ZNF205: variants seen among roughly 807,000 people sequenced by gnomAD.
ZNF205 encodes zinc finger protein 205, also known as transcriptional repressor RHIT.
In ZNF205, 32 loss-of-function variants were observed where a neutral mutation model predicts 53.6. The ratio of observed to expected loss-of-function variants is 0.60; its 90% CI spans 0.45 to 0.80. The LOEUF (loss-of-function observed/expected upper bound fraction) is 0.80, where lower values mean the gene tolerates loss of function less well. ZNF205 is among the 30% of genes least tolerant of loss of function. The pLI is 0.00. For synonymous variants in ZNF205, 382 were observed against 334.3 expected, an observed-to-expected ratio of 1.14 and a Z score of -1.56; for missense variants, 836 against 782.4, an observed-to-expected ratio of 1.07 and a Z score of -0.82.
intron 5 of ZNF205, 144 bp downstream of exon 5, chr16:3,116,691 G>T: frequency 7.8e-7 from 1 of 1,275,200 alleles, no homozygotes; most frequent in Non-Finnish European, 1.1e-6. Flanking sequence ...CTTCTGTAAT[G>T]ATGGAAATGT....
intron 5 of ZNF205, among the ~76,000 whole-genome samples, chr16:3,117,854 T>A (rs1957364538): frequency 6.8e-6 from 1 of 146,394 alleles, no homozygotes; most frequent in Admixed American, 6.8e-5. Flanking sequence ...ACGCTTAGCT[T>A]TTTTTTTTTT....
At position 3,115,864 on chromosome 16, in the gene ZNF205, G is replaced by T; in HGVS notation, c.307G>T (p.Glu103Ter). ...PSPRIPVLSR[E>*]GRTRDRQMAA... is the part of the protein sequence containing the mutation. Reference sequence around the variant, plus strand: ...CCCCCGGATCCCCGTGCTTTCCCGAGAGGGGAGGACCAGAGACCGGCAGAT... The same window carrying T: ...CCCCCGGATCCCCGTGCTTTCCCGATAGGGGAGGACCAGAGACCGGCAGAT... The change falls in exon 4 of 7, where the codon GAG becomes TAG. Residue 103 changes from glutamate to a stop codon, truncating the protein, a stop_gained. Coordinates refer to ENST00000219091, the MANE Select transcript of ZNF205 (RefSeq NM_001042428.2). LOFTEE classifies it high-confidence loss of function. 1 of 1,614,070 alleles carries T rather than the reference G, an allele frequency of 6.2e-7. No homozygotes were observed. The highest frequency in any genetic ancestry group is 8.5e-7 in the Non-Finnish European group (1 of 1,179,994).
Position 3,115,365 on chromosome 16 carries a change from G to A in ZNF205, c.68G>A (p.Arg23His), listed in dbSNP as rs750825568. 2.9e-5 allele frequency: 46 copies of A among 1,598,068 alleles called. No homozygotes were observed. The highest frequency in any genetic ancestry group is 1.1e-4 in the African/African-American group (8 of 74,044). Residue 23 changes from arginine to histidine, a missense_variant, in exon 3 of 7, where the codon CGT (arginine) becomes CAT (histidine). Coordinates refer to ENST00000219091, the MANE Select transcript of ZNF205 (RefSeq NM_001042428.2). Reference sequence around the variant, plus strand: ...GGCTGTCCTTTCTAGGTTCCAGATCGTGGACATCCTCATCAGGAAATGCCT... The same window carrying A: ...GGCTGTCCTTTCTAGGTTCCAGATCATGGACATCCTCATCAGGAAATGCCT... ...DKETPPEVPD[R>H]GHPHQEMPSK...
At position 3,119,685 on chromosome 16, in the gene ZNF205, G is replaced by A. The variant is rs1243219976; in HGVS notation, c.1025G>A (p.Gly342Glu). The change falls in exon 7 of 7, where the codon GGG (glycine) becomes GAG (glutamate). Residue 342 changes from glycine (G) to glutamate (E), a missense_variant. Gly to Glu is a moderately conservative substitution (Grantham distance 98). Transcript: ENST00000219091. ...GEKPYACTDCGKRFGRSSHLI... is the reference protein window; with the variant it reads ...GEKPYACTDCEKRFGRSSHLI... Reference sequence around the variant, plus strand: ...AAGCCCTACGCCTGCACTGACTGCGGGAAGCGCTTCGGCCGCAGCTCGCAC... The same window carrying A: ...AAGCCCTACGCCTGCACTGACTGCGAGAAGCGCTTCGGCCGCAGCTCGCAC... 6 of 1,613,198 alleles carry A rather than the reference G, an allele frequency of 3.7e-6. No homozygotes were observed. The highest frequency in any genetic ancestry group is 3.3e-5 in the Admixed American group (2 of 59,982).
At chr16:3,115,172 G>A (rs896585649) in intron 2 of ZNF205, 183 bp from the exon 3 acceptor site, 15 of 439,700 alleles carry the variant, frequency 3.4e-5, no homozygotes, top group African/African-American at 6.1e-5. Flanking sequence ...CTGTGGAGGC[G>A]GCTTGGTGAA....
rs745529938 is a variant in ZNF205 at position 3,119,570 on chromosome 16, G to A, written c.910G>A (p.Gly304Ser). 5.6e-6 allele frequency: 9 copies of A among 1,608,462 alleles called. 1 individual carries two copies. Among genetic ancestry groups the A allele is most frequent in the Middle Eastern group, 3.3e-4 (2 of 6,052 alleles). ...GGGCCTGGCCCCTGACAGTGAGGTG[G>A]GCAGGAAGAGCTACCGGTGCGAGCA... ...EEGLAPDSEV[G>S]RKSYRCEQCG... Residue 304 changes from glycine (G) to serine (S), a missense_variant, in exon 7 of 7, where the codon GGC (glycine) becomes AGC (serine). Physicochemically the swap from Gly to Ser is moderately conservative, Grantham distance 56. Coordinates refer to ENST00000219091, the MANE Select transcript of ZNF205 (RefSeq NM_001042428.2).
chr16:3,120,099 A>C lies in ZNF205; in HGVS notation c.1439A>C (p.Asp480Ala). ...GGCGAGAAGCCCTACCACTGCCTCG[A>C]CTGCGGCAAGAGCTTCAGCCACAGC... ...HTGEKPYHCLDCGKSFSHSSH... is the reference protein window; with the variant it reads ...HTGEKPYHCLACGKSFSHSSH... The change falls in exon 7 of 7, where the codon GAC becomes GCC. Residue 480 changes from aspartate (D) to alanine (A), a missense_variant. Coordinates refer to ENST00000219091, the MANE Select transcript of ZNF205 (RefSeq NM_001042428.2). The C allele has an allele frequency of 1.2e-6, 2 of 1,613,314 alleles. No individual in the cohort carries two copies. The highest frequency in any genetic ancestry group is 1.7e-6 in the Non-Finnish European group (2 of 1,179,772).
chr16:3,115,444 T>G lies in ZNF205; in HGVS notation c.147T>G (p.Ile49Met). 1 of 1,612,068 alleles carries G rather than the reference T, an allele frequency of 6.2e-7. No homozygotes were observed. Among genetic ancestry groups the G allele is most frequent in the South Asian group, 1.1e-5 (1 of 90,790 alleles). Residue 49 changes from isoleucine to methionine, a missense_variant, in exon 3 of 7, where the codon ATT becomes ATG. Transcript: ENST00000219091. The part of the protein sequence containing the change: ...PSGDTQESLH[I>M]KMEPEEPHSE... Reference sequence around the variant, plus strand: ...GGGACACTCAGGAGTCACTGCACATTAAGATGGAGCCCGAAGAGCCACACT... The same window carrying G: ...GGGACACTCAGGAGTCACTGCACATGAAGATGGAGCCCGAAGAGCCACACT...
intron 5 of ZNF205, among the ~76,000 whole-genome samples, chr16:3,118,124 A>G (rs550499817): frequency 1.1e-4 from 16 of 148,820 alleles, no homozygotes; most frequent in Non-Finnish European, 2.1e-4. Context: ...GGCCTCCCAA[A>G]GTGCTGGAGG....
rs1162857910 is a variant in ZNF205, at chr16:3,120,303, C to A, written c.1643C>A (p.Thr548Lys). The stretch of plus-strand genomic sequence containing the variant: ...GCGGCGGCGGCGGGGGCTCTGGCCA[C>A]ACCCCCACCCGCTCCCACCTAGGAG... ...LGAAAAGALA[T>K]PPPAPT The change falls in exon 7 of 7, where the codon ACA becomes AAA. Residue 548 changes from threonine to lysine, a missense_variant. Transcript: ENST00000219091. 6.4e-7 allele frequency: 1 copy of A among 1,570,286 alleles called. No homozygotes were observed. The highest frequency in any genetic ancestry group is 2.3e-5 in the East Asian group (1 of 43,572).
In ZNF205 at chr16:3,116,255, C is replaced by T. The variant is rs1957344244; in HGVS notation, c.364-172C>T. On this transcript the variant is annotated intron_variant, in intron 4 of 6. Coordinates refer to ENST00000219091, the MANE Select transcript of ZNF205 (RefSeq NM_001042428.2). ...CCTCTTGGTCTTTGTTCTTTCTCAACTCCCCAGAAGGCCTTGGGTGGCTCA... is the reference window on the plus strand; with the variant it reads ...CCTCTTGGTCTTTGTTCTTTCTCAATTCCCCAGAAGGCCTTGGGTGGCTCA... 3.0e-5 allele frequency: 27 copies of T among 887,958 alleles called. No individual in the cohort carries two copies. In the South Asian group the frequency reaches 4.2e-4, roughly 14 times the overall value. The allele number at this position is 887,958 out of a possible 1,614,324, so 55.0% of individuals were successfully genotyped here. A position where few individuals can be genotyped will look rare whatever the true frequency, so the allele number is the denominator to read the frequency against.
Position 3,120,247 on chromosome 16 carries a change from G to C in ZNF205, c.1587G>C (p.Gly529=), listed in dbSNP as rs1173973421. The change falls in exon 7 of 7, where the codon GGG becomes GGC. Residue 529 remains glycine (G), a synonymous_variant. Coordinates refer to ENST00000219091, the MANE Select transcript of ZNF205 (RefSeq NM_001042428.2). The stretch of plus-strand genomic sequence containing the variant: ...GGCACGAGAAGATCCACACCACCGG[G>C]CCCAAGGCCCTGGCCATGCTGATGC... ...LHRHEKIHTT[G]PKALAMLMLG... is the part of the protein sequence containing the mutation. 1 of 1,606,418 alleles carries C rather than the reference G, an allele frequency of 6.2e-7. No individual in the cohort carries two copies. The highest frequency in any genetic ancestry group is 1.7e-5 in the Admixed American group (1 of 59,970).
In ZNF205 at chr16:3,119,240, G is replaced by A; in HGVS notation, c.596-16G>A. The A allele has an allele frequency of 6.4e-7, 1 of 1,562,776 alleles. No homozygotes were observed. The highest frequency in any genetic ancestry group is 1.2e-5 in the South Asian group (1 of 84,642). On this transcript the variant is annotated splice_polypyrimidine_tract_variant and intron_variant, in intron 6 of 6. Transcript: ENST00000219091. ...GGGAAGCTCGTCCCTAGCTGGAAAC[G>A]ACTTTCTTTTTCCAGGAGCCGTCGA...
At position 3,119,554 on chromosome 16, in the gene ZNF205, C is replaced by T. The variant is rs753100585; in HGVS notation, c.894C>T (p.Ala298=). 1.2e-6 allele frequency: 2 copies of T among 1,607,950 alleles called. No homozygotes were observed. The highest frequency in any genetic ancestry group is 2.2e-5 in the East Asian group (1 of 44,826). The part of the protein sequence containing the change: ...GAPESGEEGL[A]PDSEVGRKSY... ...CGGAGAGTGGCGAGGAGGGCCTGGC[C>T]CCTGACAGTGAGGTGGGCAGGAAGA... is the stretch of plus-strand genomic sequence containing the variant. Residue 298 remains alanine (A), a synonymous_variant, in exon 7 of 7, where the codon GCC becomes GCT. Transcript: ENST00000219091.
At chr16:3,117,898 G>C (rs867430409) in intron 5 of ZNF205, among the ~76,000 whole-genome samples, 6 of 150,774 alleles carry the variant, frequency 4.0e-5, no homozygotes, top group East Asian at 1.9e-4. Flanking sequence ...ACCCAGGCTG[G>C]AGTGTAGTGG....
Position 3,120,487 on chromosome 16 carries a change from C to T in ZNF205, c.*162C>T. On this transcript the variant is annotated 3_prime_UTR_variant, in exon 7 of 7. Transcript: ENST00000219091. ...GAGGGCGAGGGCGAGAAAGGGCAGG[C>T]ACTCTGCGAATTAAAGGCCTTGGAC... 1 of 874,096 alleles carries T rather than the reference C, an allele frequency of 1.1e-6. No individual in the cohort carries two copies. Among genetic ancestry groups the T allele is most frequent in the Non-Finnish European group, 1.7e-6 (1 of 589,406 alleles). The allele number at this position is 874,096 out of a possible 1,614,324, so 54.1% of individuals were successfully genotyped here. A position where few individuals can be genotyped will look rare whatever the true frequency, so the allele number is the denominator to read the frequency against.
At chr16:3,115,255 C>T (rs112164854) in intron 2 of ZNF205, 100 bp from the exon 3 acceptor site, 35 of 915,660 alleles carry the variant, frequency 3.8e-5, no homozygotes, top group African/African-American at 2.4e-4. Flanking sequence ...CTTCAAGCTG[C>T]GTCTTGCATG....
At chr16:3,117,937 C>T (rs914180265) in intron 5 of ZNF205, among the ~76,000 whole-genome samples, 8 of 150,308 alleles carry the variant, frequency 5.3e-5, no homozygotes, top group Non-Finnish European at 7.4e-5. Context: ...CAACCTCTGC[C>T]TCCTGGGTTC....
intron 3 of ZNF205, 104 bp downstream of exon 3, chr16:3,115,672 G>C: frequency 2.8e-6 from 4 of 1,411,828 alleles, no homozygotes. Flanking sequence ...ATGCCAGCAG[G>C]GGACGCTATC....
Sources: gnomAD v4.1 joint callset for allele counts (sites outside exome capture counted in the v4.1 genomes callset) on GRCh38, gnomAD v4.1.1 for gene constraint, MANE v1.5 for transcripts, NCBI Gene and HGNC (gene_info 2026-07-23, HGNC 2026-07-21) for gene names.